MYO1H: variants seen among roughly 807,000 people sequenced by gnomAD.
The protein encoded by MYO1H is myosin IH.
In MYO1H, 118 loss-of-function variants were observed where a neutral mutation model predicts 149.3. That is an observed-to-expected ratio of 0.79 (90% CI 0.68 to 0.92). The LOEUF (loss-of-function observed/expected upper bound fraction) is 0.92, where lower values mean the gene tolerates loss of function less well. Ranked by LOEUF, MYO1H falls within the 40% of genes least tolerant of loss-of-function variation. The probability of loss-of-function intolerance (pLI) is 0.00; values close to 1 mark genes in which losing one functional copy is unlikely to be tolerated. For synonymous variants in MYO1H, 447 were observed against 465.2 expected, an observed-to-expected ratio of 0.96 and a Z score of 0.50; for missense variants, 1,212 against 1,280.7, an observed-to-expected ratio of 0.95 and a Z score of 0.82.
intron 14 of MYO1H, among the ~76,000 whole-genome samples, chr12:109,414,263 G>A (rs1218090285): frequency 6.6e-6 from 1 of 151,958 alleles, no homozygotes; most frequent in Non-Finnish European, 1.5e-5. Flanking sequence ...ATAATCTGAG[G>A]TCAGGAGTTC....
intron 16 of MYO1H, among the ~76,000 whole-genome samples, chr12:109,424,245 C>T (rs1871278054): frequency 2.6e-5 from 4 of 152,158 alleles, no homozygotes; most frequent in African/African-American, 7.2e-5. Flanking sequence ...ACTGCAGCCT[C>T]GACTTCGTGG....
In MYO1H at chr12:109,420,968, C is replaced by G; in HGVS notation, c.1598-13C>G. ...GACATTGATTCAAAAAATTTTTCTT[C>G]AATGTTTTACAGGATTCTTGGAAAA... On this transcript the variant is annotated splice_polypyrimidine_tract_variant and intron_variant, in intron 15 of 31. Transcript: ENST00000310903. The G allele has an allele frequency of 6.5e-7, 1 of 1,531,446 alleles. No homozygotes were observed. The highest frequency in any genetic ancestry group is 9.0e-7 in the Non-Finnish European group (1 of 1,111,168). 94.9% of individuals were successfully genotyped at this position (1,531,446 alleles called of 1,614,324 possible). A position where few individuals can be genotyped will look rare whatever the true frequency, so the allele number is the denominator to read the frequency against.
At position 109,375,824 on chromosome 12, in the gene MYO1H, C is replaced by G. The variant is rs375371362; in HGVS notation, c.13-12859C>G. Reference sequence around the variant, plus strand: ...AAAACCCTTTCTCTATAAAAAAATACAAAAATTAGCAGGGTGTGGTGATGA... The same window carrying G: ...AAAACCCTTTCTCTATAAAAAAATAGAAAAATTAGCAGGGTGTGGTGATGA... On this transcript the variant is annotated intron_variant, in intron 1 of 31. Coordinates refer to ENST00000310903, the Ensembl canonical transcript of MYO1H. Among the ~76,000 whole-genome samples, 133 of 152,088 alleles carry G rather than the reference C, an allele frequency of 8.7e-4. 1 individual carries two copies. Among genetic ancestry groups the G allele is most frequent in the African/African-American group, 3.1e-3 (128 of 41,512 alleles).
intron 25 of MYO1H, among the ~76,000 whole-genome samples, 165 bp downstream of exon 25, chr12:109,440,992 G>T (rs1872100433): frequency 6.6e-6 from 1 of 152,200 alleles, no homozygotes. Flanking sequence ...GAGAGCCCTG[G>T]ATGAATGCCA....
chr12:109,413,632 G>A (rs772686618), intron 14 of MYO1H, among the ~76,000 whole-genome samples: 2 of 152,162 alleles, frequency 1.3e-5, no homozygotes, highest in Admixed American at 6.5e-5. Flanking sequence ...TACTGTGGCC[G>A]AGCGTGCTGG....
At chr12:109,406,798 G>T (rs753904197) in exon 9 of MYO1H, 1 of 1,613,932 alleles carries the variant, frequency 6.2e-7, no homozygotes, top group Non-Finnish European at 8.5e-7. Context: ...GCTCCTGGGG[G>T]TCCACCCATC....
At chr12:109,338,960 C>T in the MYO1H span, among the ~76,000 whole-genome samples, 2 of 152,034 alleles carry the variant, frequency 1.3e-5, no homozygotes, top group African/African-American at 4.8e-5. Flanking sequence ...CTCAAGCTTA[C>T]AGGAGGTTTT....
At position 109,407,785 on chromosome 12, in the gene MYO1H, T is replaced by G. The variant is rs967453966; in HGVS notation, c.1036-9T>G. ...CACCTATAATGATGCACCTTGTCATTCTTTTCAGGTGATCTGCCCGTTGAC... is the reference window on the plus strand; with the variant it reads ...CACCTATAATGATGCACCTTGTCATGCTTTTCAGGTGATCTGCCCGTTGAC... On this transcript the variant is annotated splice_polypyrimidine_tract_variant and intron_variant, in intron 9 of 31. Coordinates refer to ENST00000310903, the Ensembl canonical transcript of MYO1H. The G allele has an allele frequency of 6.2e-7, 1 of 1,613,438 alleles. No homozygotes were observed. Among genetic ancestry groups the G allele is most frequent in the Admixed American group, 1.7e-5 (1 of 59,958 alleles).
At chr12:109,379,409 G>A (rs1335961852) in intron 1 of MYO1H, among the ~76,000 whole-genome samples, 6 of 152,192 alleles carry the variant, frequency 3.9e-5, no homozygotes, top group Admixed American at 6.5e-5. Context: ...GTTGATTGTG[G>A]TGTTTGATTT....
intron 6 of MYO1H, among the ~76,000 whole-genome samples, chr12:109,402,076 C>T (rs1329970944): frequency 6.6e-6 from 1 of 152,166 alleles, no homozygotes; most frequent in Non-Finnish European, 1.5e-5. Context: ...TGCCTTCCAC[C>T]TTGACAAATG....
chr12:109,385,414 G>GCCT (rs60196192), intron 1 of MYO1H, among the ~76,000 whole-genome samples: 75,513 of 151,054 alleles, frequency 0.5, 19,511 homozygotes, highest in African/African-American at 0.62. Context: ...TCCCACTTCA[G>GCCT]CATGAGCAGC....
intron 4 of MYO1H, among the ~76,000 whole-genome samples, chr12:109,396,820 T>TTG (rs1869933736): frequency 6.7e-5 from 8 of 119,874 alleles, no homozygotes; most frequent in African/African-American, 2.6e-4. Flanking sequence ...TTTCGTTTTT[T>TTG]TTTTTTTTTT....
chr12:109,340,984 C>T, the MYO1H span, among the ~76,000 whole-genome samples: 3 of 152,016 alleles, frequency 2.0e-5, no homozygotes, highest in South Asian at 4.2e-4. Flanking sequence ...GTCAGGAGTT[C>T]GAGACCAGCC....
chr12:109,369,541 A>G (rs16940151), intron 1 of MYO1H, among the ~76,000 whole-genome samples: 5,795 of 151,840 alleles, frequency 0.038, 121 homozygotes, highest in Middle Eastern at 0.054. Context: ...TATTAATGAT[A>G]ATATTTAAAA....
the MYO1H span, among the ~76,000 whole-genome samples, chr12:109,317,547 T>C: frequency 6.6e-6 from 1 of 152,240 alleles, no homozygotes; most frequent in Admixed American, 6.5e-5. Context: ...CAAGAAACCC[T>C]TTATTCCAAT....
chr12:109,443,426 T>C, intron 27 of MYO1H, 88 bp from the exon 28 acceptor site: 1 of 1,457,354 alleles, frequency 6.9e-7, no homozygotes, highest in South Asian at 1.3e-5. Context: ...CTTTTCTAAA[T>C]GCTTGACATC....
At chr12:109,315,062 A>G in the MYO1H span, among the ~76,000 whole-genome samples, 1 of 152,230 alleles carries the variant, frequency 6.6e-6, no homozygotes, top group African/African-American at 2.4e-5. Context: ...TGATCGTGCC[A>G]CTGCATTCCA....
chr12:109,408,098 CA>C (rs1335250771), intron 10 of MYO1H, 185 bp downstream of exon 10: 28 of 718,172 alleles, frequency 3.9e-5, no homozygotes, highest in African/African-American at 3.4e-4. Context: ...ATGACTTATA[CA>C]ATGTGTTCCA....
intron 2 of MYO1H, among the ~76,000 whole-genome samples, chr12:109,389,283 G>A (rs1866067): frequency 0.059 from 8,911 of 152,186 alleles, 856 homozygotes; most frequent in African/African-American, 0.2. Flanking sequence ...TCTAGTAAAT[G>A]GCCCAAGTTG....
Sources: gnomAD v4.1 joint callset for allele counts (sites outside exome capture counted in the v4.1 genomes callset) on GRCh38, gnomAD v4.1.1 for gene constraint, MANE v1.5 for transcripts, NCBI Gene and HGNC (gene_info 2026-07-23, HGNC 2026-07-21) for gene names.